The following DLC1 variants were observed in gnomAD, a reference collection of about 807,000 sequenced individuals.
DLC1 encodes the protein DLC1 Rho GTPase activating protein, also known as rho GTPase-activating protein 7.
Under a neutral mutation model 140.3 loss-of-function variants are expected in DLC1, and 54 were observed. That is an observed-to-expected ratio of 0.38 (90% CI 0.31 to 0.48). The LOEUF (loss-of-function observed/expected upper bound fraction) is 0.48, where lower values mean the gene tolerates loss of function less well. DLC1 is among the 20% of genes least tolerant of loss of function. The probability of loss-of-function intolerance (pLI) is 0.96; values close to 1 mark genes in which losing one functional copy is unlikely to be tolerated. For missense variants in DLC1, 2,536 were observed against 1,907.0 expected (o/e 1.33, Z -6.14); for synonymous variants, 986 against 728.1 (o/e 1.35, Z -5.70).
At chr8:13,282,045 T>C (rs1831382532) in intron 5 of DLC1, among the ~76,000 whole-genome samples, 1 of 152,152 alleles carries the variant, frequency 6.6e-6, no homozygotes, top group Admixed American at 6.5e-5. Context: ...GAAGTGGATA[T>C]CAGAATTACA....
chr8:13,514,776 C>G lies in DLC1; in HGVS notation c.-300G>C. 1 of 396,878 alleles carries G rather than the reference C, an allele frequency of 2.5e-6. No homozygotes were observed. Among genetic ancestry groups the G allele is most frequent in the Non-Finnish European group, 4.4e-6 (1 of 225,106 alleles). The allele number at this position is 396,878 out of a possible 1,614,324, so 24.6% of individuals were successfully genotyped here. A position where few individuals can be genotyped will look rare whatever the true frequency, so the allele number is the denominator to read the frequency against. On this transcript the variant is annotated 5_prime_UTR_variant, in exon 1 of 18. Coordinates refer to ENST00000276297, the MANE Select transcript of DLC1 (RefSeq NM_182643.3). ...GTGAGTCTAACAAAAACACCCTCTG[C>G]AGCTGGAGGGAGCCTTAGCTAAGGC...
In DLC1 at chr8:13,181,130, G is replaced by A. The variant is rs1050934659; in HGVS notation, c.1349-65473C>T. 2.6e-5 allele frequency among the ~76,000 whole-genome samples: 4 copies of A among 151,766 alleles called. No homozygotes were observed. In the East Asian group the frequency reaches 5.8e-4, roughly 22 times the overall value. ...CCTCATTCTCTCCTATTCCCATGGT[G>A]TCCCCCTTGTTGTTTCTTGAAAAGA... On this transcript the variant is annotated intron_variant, in intron 5 of 17. Coordinates refer to ENST00000276297, the MANE Select transcript of DLC1 (RefSeq NM_182643.3).
At chr8:13,323,741 A>C (rs1264970019) in intron 4 of DLC1, among the ~76,000 whole-genome samples, 2 of 152,222 alleles carry the variant, frequency 1.3e-5, no homozygotes, top group Non-Finnish European at 2.9e-5. Flanking sequence ...CAGCAAAATG[A>C]ATACCTTATT....
intron 5 of DLC1, among the ~76,000 whole-genome samples, chr8:13,243,509 A>T (rs1304767484): frequency 6.6e-6 from 1 of 152,124 alleles, no homozygotes; most frequent in Admixed American, 6.6e-5. Flanking sequence ...CAGCCATGTG[A>T]GAAAAATTAG....
chr8:13,264,052 T>TTTTA (rs3065458), intron 5 of DLC1, among the ~76,000 whole-genome samples: 3,545 of 143,062 alleles, frequency 0.025, 64 homozygotes, highest in Non-Finnish European at 0.027. Flanking sequence ...ATAAGAAGCT[T>TTTTA]TTTATTTATT....
chr8:13,168,838 A>G (rs1236601205), intron 5 of DLC1, among the ~76,000 whole-genome samples: 1 of 152,222 alleles, frequency 6.6e-6, no homozygotes, highest in Non-Finnish European at 1.5e-5. Flanking sequence ...AAAACGGTCA[A>G]AATTCCCCAC....
At chr8:13,365,401 C>T (rs1202705872) in intron 4 of DLC1, among the ~76,000 whole-genome samples, 1 of 152,100 alleles carries the variant, frequency 6.6e-6, no homozygotes, top group Non-Finnish European at 1.5e-5. Flanking sequence ...GAACTACTGG[C>T]CTCAATTCAC....
chr8:13,371,859 C>T (rs1287679397), intron 4 of DLC1, among the ~76,000 whole-genome samples: 1 of 151,980 alleles, frequency 6.6e-6, no homozygotes, highest in Non-Finnish European at 1.5e-5. Flanking sequence ...GGCACTCACT[C>T]AATAATTATT....
intron 4 of DLC1, among the ~76,000 whole-genome samples, chr8:13,347,248 T>A (rs898116101): frequency 6.6e-6 from 1 of 152,248 alleles, no homozygotes; most frequent in Admixed American, 6.5e-5. Flanking sequence ...TATGTGGCTA[T>A]GAAATCAATC....
At chr8:13,280,858 T>C (rs981894802) in intron 5 of DLC1, among the ~76,000 whole-genome samples, 11 of 152,222 alleles carry the variant, frequency 7.2e-5, no homozygotes, top group Admixed American at 1.3e-4. Context: ...ATCTGGGTCT[T>C]TGGCATAGAA....
At chr8:13,551,511 C>T (rs1233863508) in intron 1 of DLC1, among the ~76,000 whole-genome samples, 2 of 151,966 alleles carry the variant, frequency 1.3e-5, no homozygotes, top group South Asian at 2.1e-4. Context: ...ATAGCATTTT[C>T]CCCACTTAAC....
At chr8:13,462,867 A>T (rs1335955580) in intron 2 of DLC1, among the ~76,000 whole-genome samples, 1 of 152,194 alleles carries the variant, frequency 6.6e-6, no homozygotes, top group African/African-American at 2.4e-5. Flanking sequence ...TTTAAAAAAG[A>T]ACGTTGAACG....
chr8:13,493,709 T>G (rs1801369436), intron 2 of DLC1, among the ~76,000 whole-genome samples: 1 of 152,196 alleles, frequency 6.6e-6, no homozygotes, highest in Admixed American at 6.6e-5. Flanking sequence ...CTTATTTTCT[T>G]TAAATAGTTC....
chr8:13,135,613 T>G (rs941449626), intron 5 of DLC1, among the ~76,000 whole-genome samples: 5 of 152,240 alleles, frequency 3.3e-5, no homozygotes, highest in African/African-American at 9.6e-5. Context: ...TTATCTTATT[T>G]ATTAAAAATT....
At chr8:13,441,843 G>A (rs1365071694) in intron 2 of DLC1, among the ~76,000 whole-genome samples, 4 of 152,040 alleles carry the variant, frequency 2.6e-5, no homozygotes, top group Admixed American at 1.3e-4. Flanking sequence ...TTTCTTCACA[G>A]AATTGGAAAA....
intron 5 of DLC1, among the ~76,000 whole-genome samples, chr8:13,229,856 C>A (rs1466631940): frequency 6.6e-6 from 1 of 152,174 alleles, no homozygotes; most frequent in Non-Finnish European, 1.5e-5. Context: ...CTGCAGTTAT[C>A]GGAAACATTT....
chr8:13,426,710 TTTCC>T (rs1838598913), intron 2 of DLC1, among the ~76,000 whole-genome samples: 1 of 152,194 alleles, frequency 6.6e-6, no homozygotes, highest in Admixed American at 6.5e-5. Flanking sequence ...ATCTGTGTTC[TTTCC>T]ATTTTTCTAT....
intron 1 of DLC1, among the ~76,000 whole-genome samples, chr8:13,582,814 G>A (rs917343816): frequency 1.4e-5 from 2 of 141,380 alleles, no homozygotes; most frequent in African/African-American, 5.4e-5. Flanking sequence ...TCAATAAAGT[G>A]AGTCATACAA....
intron 5 of DLC1, among the ~76,000 whole-genome samples, chr8:13,164,690 C>T (rs1481000869): frequency 1.3e-5 from 2 of 152,206 alleles, no homozygotes; most frequent in Non-Finnish European, 2.9e-5. Context: ...GATACTTTTA[C>T]ATCAGGAGAA....
Sources: gnomAD v4.1 joint callset for allele counts (sites outside exome capture counted in the v4.1 genomes callset) on GRCh38, gnomAD v4.1.1 for gene constraint, MANE v1.5 for transcripts, NCBI Gene and HGNC (gene_info 2026-07-23, HGNC 2026-07-21) for gene names.